The following OSBPL3 variants were observed in gnomAD, a reference collection of about 807,000 sequenced individuals.
OSBPL3 encodes the protein oxysterol binding protein like 3.
In OSBPL3, 65 loss-of-function variants were observed where a neutral mutation model predicts 120.1. The observed-to-expected ratio is 0.54, with a 90% CI of 0.44 to 0.67. The LOEUF is 0.67. OSBPL3 is among the 30% of genes least tolerant of loss of function. The pLI is 0.00. For synonymous variants in OSBPL3, 416 were observed against 402.6 expected, an observed-to-expected ratio of 1.03 and a Z score of -0.40; for missense variants, 1,004 against 1,082.1, an observed-to-expected ratio of 0.93 and a Z score of 1.01.
intron 20 of OSBPL3, among the ~76,000 whole-genome samples, chr7:24,809,047 T>G (rs1402314624): frequency 6.6e-6 from 1 of 152,024 alleles, no homozygotes; most frequent in African/African-American, 2.4e-5. Flanking sequence ...ACAGGTAAAT[T>G]GCCTATGTAA....
rs891698584 is a variant in OSBPL3, at chr7:24,946,110, C to G, written c.-150+33776G>C. ...TGTCCTAGGTGGCTCCCTCCCAAGG[C>G]TGGTAGTCAATGCCGGCTGTCAGCT... On this transcript the variant is annotated intron_variant, in intron 1 of 22. Coordinates refer to ENST00000313367, the MANE Select transcript of OSBPL3 (RefSeq NM_015550.4). The surrounding 1 kb of genome is among the most constrained non-coding windows in gnomAD (Gnocchi z 4.3). 1.3e-5 allele frequency among the ~76,000 whole-genome samples: 2 copies of G among 152,078 alleles called. No individual in the cohort carries two copies. Among genetic ancestry groups the G allele is most frequent in the African/African-American group, 4.8e-5 (2 of 41,398 alleles).
Position 24,796,646 on chromosome 7 carries a change from A to G in OSBPL3, c.*3537T>C, listed in dbSNP as rs1791754628. 6.6e-6 allele frequency: 1 copy of G among 152,242 alleles called. No homozygotes were observed. The highest frequency in any genetic ancestry group is 2.1e-4 in the South Asian group (1 of 4,830). The allele number at this position is 152,242 out of a possible 1,614,324, so 9.4% of individuals were successfully genotyped here. A position where few individuals can be genotyped will look rare whatever the true frequency, so the allele number is the denominator to read the frequency against. Reference sequence around the variant, plus strand: ...GAGGTATGGATGGAAGGGTGGGATTAAAACAAAATAATTTTCAGTGGTTAA... The same window carrying G: ...GAGGTATGGATGGAAGGGTGGGATTGAAACAAAATAATTTTCAGTGGTTAA... On this transcript the variant is annotated 3_prime_UTR_variant, in exon 23 of 23. Coordinates refer to ENST00000313367, the MANE Select transcript of OSBPL3 (RefSeq NM_015550.4). The surrounding 1 kb of genome is among the most constrained non-coding windows in gnomAD (Gnocchi z 5.2).
rs1226191425 is a variant in OSBPL3 at position 24,938,858 on chromosome 7, CAAGA to C, written c.-150+41024_-150+41027del. Reference sequence around the variant, plus strand: ...GTTTTGAGAGCAAAACTAATGTGGCCAAGAAAGAAAAAAAAAAAAGATTGTTATT... The same window carrying C: ...GTTTTGAGAGCAAAACTAATGTGGCCAAGAAAAAAAAAAAAGATTGTTATT... On this transcript the variant is annotated intron_variant, in intron 1 of 22. Transcript: ENST00000313367. The surrounding 1 kb of genome is among the most constrained non-coding windows in gnomAD (Gnocchi z 5.8). Among the ~76,000 whole-genome samples the C allele has an allele frequency of 9.3e-6, 1 of 107,350 alleles. No homozygotes were observed. Among genetic ancestry groups the C allele is most frequent in the Non-Finnish European group, 1.9e-5 (1 of 51,796 alleles). The allele number at this position is 107,350 out of a possible 152,430, so 70.4% of individuals were successfully genotyped here. A position where few individuals can be genotyped will look rare whatever the true frequency, so the allele number is the denominator to read the frequency against.
intron 1 of OSBPL3, among the ~76,000 whole-genome samples, chr7:24,943,307 C>T (rs1463540410): frequency 2.0e-5 from 3 of 152,202 alleles, no homozygotes; most frequent in Non-Finnish European, 4.4e-5. Flanking sequence ...CACAGCAAAT[C>T]ATGACACAGT....
rs1338881273 is a variant in OSBPL3 at position 24,968,156 on chromosome 7, ATC to A, written c.-150+11728_-150+11729del. The stretch of plus-strand genomic sequence containing the variant: ...TGATGTTATAGCAACCTCTTGTATA[ATC>A]TTCAAAAGATATTTTATATTTTTAT... On this transcript the variant is annotated intron_variant, in intron 1 of 22. Transcript: ENST00000313367. This position sits in a 1 kb window ranked among gnomAD's most constrained non-coding sequence, Gnocchi z 4.6. Among the ~76,000 whole-genome samples, 9 of 152,222 alleles carry A rather than the reference ATC, an allele frequency of 5.9e-5. No homozygotes were observed. Among genetic ancestry groups the A allele is most frequent in the Non-Finnish European group, 1.0e-4 (7 of 68,036 alleles).
rs930792317 is a variant in OSBPL3, at chr7:24,834,435, G to A, written c.1746+51C>T. On this transcript the variant is annotated intron_variant, in intron 15 of 22. Transcript: ENST00000313367. The surrounding 1 kb of genome is among the most constrained non-coding windows in gnomAD (Gnocchi z 5.2). ...TCTGATGGGCCCCGTGAATGGCCTC[G>A]TGGCTTGGGGACCGAGGCTGGACAG... is the stretch of plus-strand genomic sequence containing the variant. The A allele has an allele frequency of 3.8e-6, 6 of 1,568,048 alleles. No individual in the cohort carries two copies. The highest frequency in any genetic ancestry group is 1.9e-5 in the Admixed American group (1 of 53,682).
intron 1 of OSBPL3, among the ~76,000 whole-genome samples, chr7:24,931,666 T>C (rs1272116637): frequency 7.3e-6 from 1 of 137,130 alleles, no homozygotes; most frequent in African/African-American, 2.7e-5. Context: ...AAAATTGTGT[T>C]AGTTTAAGTC....
rs899609052 is a variant in OSBPL3, at chr7:24,922,247, C to T, written c.-149-29626G>A. ...AACTACAAGCACTGTACTATCTGGACTGTGTTACAAAAAGTCCTAGAAGGG... is the reference window on the plus strand; with the variant it reads ...AACTACAAGCACTGTACTATCTGGATTGTGTTACAAAAAGTCCTAGAAGGG... On this transcript the variant is annotated intron_variant, in intron 1 of 22. Transcript: ENST00000313367. The surrounding 1 kb of genome is among the most constrained non-coding windows in gnomAD (Gnocchi z 4.3). Among the ~76,000 whole-genome samples the T allele has an allele frequency of 2.6e-5, 4 of 152,162 alleles. No individual in the cohort carries two copies. The highest frequency in any genetic ancestry group is 4.4e-5 in the Non-Finnish European group (3 of 68,022).
chr7:24,901,505 C>G lies in OSBPL3; in HGVS notation c.-149-8884G>C, dbSNP rs188763270. 3.5e-4 allele frequency among the ~76,000 whole-genome samples: 53 copies of G among 152,344 alleles called. No homozygotes were observed. The East Asian group carries it at 6.5e-3, about 19-fold the overall frequency. Reference sequence around the variant, plus strand: ...ATGTACCTGTCTTTGATCCTCAACACAAAACACCCATGCACCAGGCTCTTG... The same window carrying G: ...ATGTACCTGTCTTTGATCCTCAACAGAAAACACCCATGCACCAGGCTCTTG... On this transcript the variant is annotated intron_variant, in intron 1 of 22. Transcript: ENST00000313367.
chr7:24,849,544 C>G lies in OSBPL3; in HGVS notation c.1159-368G>C, dbSNP rs1265735495. Among the ~76,000 whole-genome samples the G allele has an allele frequency of 6.6e-6, 1 of 152,188 alleles. No homozygotes were observed. The highest frequency in any genetic ancestry group is 2.4e-5 in the African/African-American group (1 of 41,452). Reference sequence around the variant, plus strand: ...TGTCTGGAGTCTCTTTGGCCAAATCCCTTCCTAAGGAATCCAGGCTTCTAT... The same window carrying G: ...TGTCTGGAGTCTCTTTGGCCAAATCGCTTCCTAAGGAATCCAGGCTTCTAT... On this transcript the variant is annotated intron_variant, in intron 11 of 22. Coordinates refer to ENST00000313367, the MANE Select transcript of OSBPL3 (RefSeq NM_015550.4). This position sits in a 1 kb window ranked among gnomAD's most constrained non-coding sequence, Gnocchi z 5.4.
chr7:24,856,271 T>A (rs928110648), intron 10 of OSBPL3, among the ~76,000 whole-genome samples: 4 of 152,128 alleles, frequency 2.6e-5, no homozygotes, highest in Non-Finnish European at 5.9e-5. Flanking sequence ...ATAAGCGTCG[T>A]ACAAGTGACT....
rs1419547609 is a variant in OSBPL3 at position 24,873,285 on chromosome 7, G to C, written c.97-1216C>G. Among the ~76,000 whole-genome samples, 1 of 152,186 alleles carries C rather than the reference G, an allele frequency of 6.6e-6. No homozygotes were observed. Among genetic ancestry groups the C allele is most frequent in the Admixed American group, 6.5e-5 (1 of 15,270 alleles). ...TCCTGGGACACAAGTGGTCTAACAGGGAGGGCACAGAAACCACACAGGGTC... is the reference window on the plus strand; with the variant it reads ...TCCTGGGACACAAGTGGTCTAACAGCGAGGGCACAGAAACCACACAGGGTC... On this transcript the variant is annotated intron_variant, in intron 2 of 22. Transcript: ENST00000313367. This position sits in a 1 kb window ranked among gnomAD's most constrained non-coding sequence, Gnocchi z 4.1.
At chr7:24,823,548 G>A (rs767800237) in intron 16 of OSBPL3, among the ~76,000 whole-genome samples, 8 of 152,028 alleles carry the variant, frequency 5.3e-5, no homozygotes, top group Middle Eastern at 3.4e-3. Flanking sequence ...CCAGATCCAG[G>A]GCTCGTGTCC....
rs1391668218 is a variant in OSBPL3, at chr7:24,863,669, C to G, written c.674-70G>C. 7 of 984,070 alleles carry G rather than the reference C, an allele frequency of 7.1e-6. No homozygotes were observed. The highest frequency in any genetic ancestry group is 4.2e-4 in the Middle Eastern group (2 of 4,718). The allele number at this position is 984,070 out of a possible 1,614,324, so 61.0% of individuals were successfully genotyped here. On this transcript the variant is annotated intron_variant, in intron 7 of 22. Transcript: ENST00000313367. The surrounding 1 kb of genome is among the most constrained non-coding windows in gnomAD (Gnocchi z 5.8). ...GAGGGATCACTGTGCTGTCCCCATG[C>G]CAGCTACTTTTCCTTATTTATCTGT...
At chr7:24,926,165 A>G (rs1226746800) in intron 1 of OSBPL3, among the ~76,000 whole-genome samples, 1 of 152,192 alleles carries the variant, frequency 6.6e-6, no homozygotes, top group Non-Finnish European at 1.5e-5. Flanking sequence ...ACCTACTGGC[A>G]CCTATAGAAG....
chr7:24,825,482 T>A (rs1423883123), intron 16 of OSBPL3, among the ~76,000 whole-genome samples: 2 of 152,084 alleles, frequency 1.3e-5, no homozygotes, highest in Non-Finnish European at 2.9e-5. Context: ...TTGCAAAAAA[T>A]TAAAAAACAA....
intron 1 of OSBPL3, among the ~76,000 whole-genome samples, chr7:24,963,107 C>G (rs1815974139): frequency 6.6e-6 from 1 of 152,064 alleles, no homozygotes; most frequent in Admixed American, 6.5e-5. Context: ...TTTTTCACAC[C>G]CGATCCTAAT....
At chr7:24,934,524 G>A (rs1307049144) in intron 1 of OSBPL3, among the ~76,000 whole-genome samples, 1 of 152,100 alleles carries the variant, frequency 6.6e-6, no homozygotes, top group Non-Finnish European at 1.5e-5. Flanking sequence ...CAACCACTAG[G>A]GAGTAGCACA....
chr7:24,917,399 A>ATATATAT (rs1194293107), intron 1 of OSBPL3, among the ~76,000 whole-genome samples: 30 of 42,970 alleles, frequency 7.0e-4, no homozygotes, highest in African/African-American at 2.7e-3. Flanking sequence ...ATATATTTGT[A>ATATATAT]ACATATATAT....
Sources: gnomAD v4.1 joint callset for allele counts (sites outside exome capture counted in the v4.1 genomes callset) on GRCh38, gnomAD v4.1.1 for gene constraint, Gnocchi (gnomAD v3.1) non-coding constraint, MANE v1.5 for transcripts, NCBI Gene and HGNC (gene_info 2026-07-23, HGNC 2026-07-21) for gene names.